NECAP1: variants seen among roughly 807,000 people sequenced by gnomAD.
The protein encoded by NECAP1 is NECAP endocytosis associated 1.
In NECAP1, 13 loss-of-function variants were observed where a neutral mutation model predicts 33.4. That is an observed-to-expected ratio of 0.39 (90% CI 0.25 to 0.62). NECAP1 has a LOEUF of 0.62. Among genes scored for constraint, NECAP1 ranks in the 20% least tolerant of loss-of-function variants. The pLI, the probability that NECAP1 is intolerant of heterozygous loss-of-function variation, is 0.52. For missense variants in NECAP1, 272 were observed against 347.4 expected (o/e 0.78, Z 1.73); for synonymous variants, 109 against 125.2 (o/e 0.87, Z 0.86).
intron 6 of NECAP1, 156 bp downstream of exon 6, chr12:8,093,211 A>G: frequency 4.3e-6 from 3 of 693,646 alleles, no homozygotes; most frequent in Non-Finnish European, 7.1e-6. Flanking sequence ...AAGCTTTTCT[A>G]GTGAACTAAG....
intron 2 of NECAP1, 56 bp from the exon 3 acceptor site, chr12:8,090,139 T>C: frequency 6.3e-7 from 1 of 1,593,442 alleles, no homozygotes; most frequent in Non-Finnish European, 8.6e-7. Context: ...ACTTGTTAAT[T>C]GGGGTTCTGG....
rs770678256 is a variant in NECAP1, at chr12:8,096,028, C to T, written c.780-14C>T. ...TATTATGTCTCTGGCTTTCTCTGTTCTCCTGTCTTGCAGCTCTGTTCCAAA... is the reference window on the plus strand; with the variant it reads ...TATTATGTCTCTGGCTTTCTCTGTTTTCCTGTCTTGCAGCTCTGTTCCAAA... On this transcript the variant is annotated splice_polypyrimidine_tract_variant and intron_variant, in intron 7 of 7. Transcript: ENST00000339754. 2.5e-6 allele frequency: 4 copies of T among 1,613,834 alleles called. No homozygotes were observed. Among genetic ancestry groups the T allele is most frequent in the South Asian group, 1.1e-5 (1 of 91,072 alleles).
At chr12:8,085,686 C>CTTTTTT (rs554942626) in intron 1 of NECAP1, among the ~76,000 whole-genome samples, 18 of 104,830 alleles carry the variant, frequency 1.7e-4, no homozygotes, top group African/African-American at 6.7e-4. Flanking sequence ...ACTTAATCTT[C>CTTTTTT]TTTTTTTTTT....
intron 1 of NECAP1, among the ~76,000 whole-genome samples, chr12:8,087,019 A>ATTTTTTT (rs761884260): frequency 5.7e-5 from 5 of 87,072 alleles, no homozygotes; most frequent in African/African-American, 1.2e-4. Context: ...TTTTTTAAAA[A>ATTTTTTT]AAAATTCTTC....
At chr12:8,092,069 C>T in intron 4 of NECAP1, 1 of 534,592 alleles carries the variant, frequency 1.9e-6, no homozygotes, top group Non-Finnish European at 3.3e-6. Context: ...ATCCCTTGTG[C>T]AGTAGTTTGA....
At chr12:8,095,470 G>A (rs1947586180) in intron 6 of NECAP1, 131 bp from the exon 7 acceptor site, 7 of 517,124 alleles carry the variant, frequency 1.4e-5, no homozygotes, top group South Asian at 5.5e-5. Context: ...GGATGGTCTC[G>A]ATCTCCTGAC....
intron 1 of NECAP1, 83 bp from the exon 2 acceptor site, chr12:8,089,853 A>G (rs1280692230): frequency 2.3e-5 from 23 of 1,009,590 alleles, no homozygotes; most frequent in Non-Finnish European, 3.6e-5. Flanking sequence ...CAGGATAGGG[A>G]AATAGAAATA....
At chr12:8,094,912 C>T (rs937588352) in intron 6 of NECAP1, among the ~76,000 whole-genome samples, 9 of 152,222 alleles carry the variant, frequency 5.9e-5, no homozygotes, top group Non-Finnish European at 8.8e-5. Flanking sequence ...CCATTCCTAA[C>T]GCTTGGCAAT....
Position 8,090,052 on chromosome 12 carries a change from G to T in NECAP1, c.196+16G>T. The stretch of plus-strand genomic sequence containing the variant: ...AAAGTTTCAGGTAATCTTTGCGGGT[G>T]ACCCTCTAACATTAAGAATATTAAT... On this transcript the variant is annotated intron_variant, in intron 2 of 7. Transcript: ENST00000339754. 1 of 1,604,048 alleles carries T rather than the reference G, an allele frequency of 6.2e-7. No homozygotes were observed. Among genetic ancestry groups the T allele is most frequent in the South Asian group, 1.1e-5 (1 of 90,886 alleles).
At position 8,095,513 on chromosome 12, in the gene NECAP1, G is replaced by A; in HGVS notation, c.677-88G>A. 3 of 969,670 alleles carry A rather than the reference G, an allele frequency of 3.1e-6. No homozygotes were observed. In the South Asian group the frequency reaches 4.0e-5, roughly 13 times the overall value. The allele number at this position is 969,670 out of a possible 1,614,324, so 60.1% of individuals were successfully genotyped here. On this transcript the variant is annotated intron_variant, in intron 6 of 7. Transcript: ENST00000339754. ...TCCACCCGCCTCGGCCTCCCAAAGT[G>A]CTGGGATTACAGGCGTGAGCCACCG...
rs185128991 is a variant in NECAP1 at position 8,089,403 on chromosome 12, G to A, written c.96-533G>A. ...ATTTCTTTATTTGAGACCAAGTCTC[G>A]TTCTGTCGCCCAGGCTGGAGAGCGG... On this transcript the variant is annotated intron_variant, in intron 1 of 7. Coordinates refer to ENST00000339754, the MANE Select transcript of NECAP1 (RefSeq NM_015509.4). 116 of 152,882 alleles carry A rather than the reference G, an allele frequency of 7.6e-4. 1 individual carries two copies. The highest frequency in any genetic ancestry group is 5.2e-4 in the Admixed American group (8 of 15,410). 9.5% of individuals were successfully genotyped at this position (152,882 alleles called of 1,614,324 possible). A position where few individuals can be genotyped will look rare whatever the true frequency, so the allele number is the denominator to read the frequency against.
intron 4 of NECAP1, chr12:8,092,123 G>T (rs1278567966): frequency 2.3e-6 from 1 of 437,328 alleles, no homozygotes; most frequent in East Asian, 4.7e-5. Flanking sequence ...GGTGGTAGAG[G>T]GAGGCCTATG....
intron 1 of NECAP1, chr12:8,089,573 C>T (rs1947523249): frequency 5.4e-6 from 1 of 185,834 alleles, no homozygotes; most frequent in Non-Finnish European, 1.1e-5. Context: ...GTTGGCCAGA[C>T]TGGTCTCAAA....
intron 1 of NECAP1, among the ~76,000 whole-genome samples, chr12:8,086,786 GA>G (rs2120465916): frequency 6.6e-6 from 1 of 151,986 alleles, no homozygotes; most frequent in Non-Finnish European, 1.5e-5. Context: ...AAATACAAAA[GA>G]AATTAGCTGG....
intron 1 of NECAP1, among the ~76,000 whole-genome samples, chr12:8,083,831 C>T (rs1247153635): frequency 1.3e-5 from 2 of 150,050 alleles, no homozygotes; most frequent in East Asian, 3.9e-4. Context: ...CTGTGTACTC[C>T]TGGGCACAAG....
intron 7 of NECAP1, 99 bp downstream of exon 7, chr12:8,095,802 G>T: frequency 8.0e-7 from 1 of 1,251,836 alleles, no homozygotes. Context: ...GGATATGCAG[G>T]TCACATAGAG....
chr12:8,089,596 A>G, intron 1 of NECAP1: 10 of 211,780 alleles, frequency 4.7e-5, no homozygotes, highest in Non-Finnish European at 8.7e-5. Flanking sequence ...CCTGACCTCA[A>G]GTGATCCACC....
intron 3 of NECAP1, 70 bp from the exon 4 acceptor site, chr12:8,091,697 ACT>A: frequency 7.5e-7 from 1 of 1,338,876 alleles, no homozygotes; most frequent in South Asian, 1.2e-5. Context: ...CAGGCCACAG[ACT>A]GGTGCCGGGG....
chr12:8,083,561 T>C (rs1947462442), intron 1 of NECAP1, among the ~76,000 whole-genome samples: 1 of 150,900 alleles, frequency 6.6e-6, no homozygotes, highest in Non-Finnish European at 1.5e-5. Flanking sequence ...TCCTGAATAG[T>C]TGGGATTACA....
Sources: gnomAD v4.1 joint callset for allele counts (sites outside exome capture counted in the v4.1 genomes callset) on GRCh38, gnomAD v4.1.1 for gene constraint, MANE v1.5 for transcripts, NCBI Gene and HGNC (gene_info 2026-07-23, HGNC 2026-07-21) for gene names.